Variants in GNB1 observed in about 807,000 individuals in gnomAD.
GNB1 encodes the protein guanine nucleotide-binding protein G(I)/G(S)/G(T) subunit beta-1.
GNB1 carries 2 observed loss-of-function variants against 42.9 expected under a neutral mutation model. The observed-to-expected ratio is 0.05, with a 90% CI of 0.02 to 0.15. The LOEUF (loss-of-function observed/expected upper bound fraction) is 0.15, where lower values mean the gene tolerates loss of function less well. Among genes scored for constraint, GNB1 ranks in the 10% least tolerant of loss-of-function variants. The pLI, the probability that GNB1 is intolerant of heterozygous loss-of-function variation, is 1.00. For synonymous variants in GNB1, 183 were observed against 174.7 expected (o/e 1.05, Z -0.38); for missense variants, 193 against 462.2 (o/e 0.42, Z 5.34).
chr1:1,786,292 C>A lies in GNB1; in HGVS notation c.*771G>T. ...TTAAAAACTCAACTGAGAAGATAGA[C>A]AGGATGGGTCAGGAGGAACATGGTG... On this transcript the variant is annotated 3_prime_UTR_variant, in exon 12 of 12. Coordinates refer to ENST00000378609, the MANE Select transcript of GNB1 (RefSeq NM_002074.5). 1 of 376,844 alleles carries A rather than the reference C, an allele frequency of 2.7e-6. No homozygotes were observed. 23.3% of individuals were successfully genotyped at this position (376,844 alleles called of 1,614,324 possible).
Position 1,842,179 on chromosome 1 carries a change from C to G in GNB1, c.-95-2941G>C, listed in dbSNP as rs185691723. Among the ~76,000 whole-genome samples the G allele has an allele frequency of 8.0e-3, 1,214 of 152,272 alleles. 13 individuals are homozygous for G. Among genetic ancestry groups the G allele is most frequent in the Non-Finnish European group, 7.8e-3 (528 of 68,030 alleles). On this transcript the variant is annotated intron_variant, in intron 1 of 11. Transcript: ENST00000378609. ...GGCACGGTGGCTCACGCCTGTAATC[C>G]CAGCACTCTGGGAGGCCAAGGCGGG...
chr1:1,878,458 G>A (rs145170028), intron 1 of GNB1, among the ~76,000 whole-genome samples: 1 of 152,250 alleles, frequency 6.6e-6, no homozygotes, highest in Non-Finnish European at 1.5e-5. Context: ...TCTCCTGCCT[G>A]GAACCCTCTT....
At chr1:1,797,352 C>T (rs1050663357) in intron 7 of GNB1, among the ~76,000 whole-genome samples, 1 of 152,128 alleles carries the variant, frequency 6.6e-6, no homozygotes, top group Non-Finnish European at 1.5e-5. Flanking sequence ...TATAATACTA[C>T]TGCATAACTA....
In GNB1 at chr1:1,790,504, C is replaced by G; in HGVS notation, c.590G>C (p.Arg197Thr). The change falls in exon 9 of 12, where the codon AGA becomes ACA. Residue 197 changes from arginine (R) to threonine (T), a missense_variant. By Grantham distance (71) the Arg-to-Thr change is moderately conservative (BLOSUM62 -1). Transcript: ENST00000378609. The surrounding 1 kb of genome is among the most constrained non-coding windows in gnomAD (Gnocchi z 5.4). ...VMSLSLAPDT[R>T]LFVSGACDAS... is the part of the protein sequence containing the mutation. The stretch of plus-strand genomic sequence containing the variant: ...ATCACAAGCACCAGAGACGAACAGT[C>G]TGGTGTCAGGAGCAAGAGAAAGGCT... The G allele has an allele frequency of 6.2e-7, 1 of 1,613,542 alleles. No individual in the cohort carries two copies. Among genetic ancestry groups the G allele is most frequent in the African/African-American group, 1.3e-5 (1 of 75,026 alleles).
intron 3 of GNB1, among the ~76,000 whole-genome samples, chr1:1,820,758 C>T (rs1010278240): frequency 1.3e-5 from 2 of 152,260 alleles, no homozygotes; most frequent in Non-Finnish European, 2.9e-5. Context: ...TACAGTGTAA[C>T]AGACTGTGGT....
chr1:1,859,431 T>C (rs1379820750), intron 1 of GNB1, among the ~76,000 whole-genome samples: 1 of 152,106 alleles, frequency 6.6e-6, no homozygotes, highest in Non-Finnish European at 1.5e-5. Flanking sequence ...TGTGAGCCTG[T>C]AATCCCAGCA....
chr1:1,807,200 G>A (rs1047977124), intron 5 of GNB1, among the ~76,000 whole-genome samples: 1 of 152,014 alleles, frequency 6.6e-6, no homozygotes, highest in African/African-American at 2.4e-5. Flanking sequence ...AGAGGCTCAT[G>A]TCTTTAATCC....
At chr1:1,886,243 G>A (rs1294786830) in intron 1 of GNB1, among the ~76,000 whole-genome samples, 12 of 152,240 alleles carry the variant, frequency 7.9e-5, no homozygotes, top group African/African-American at 1.2e-4. Context: ...ACTTGAACCC[G>A]TGAGATGGTG....
intron 7 of GNB1, among the ~76,000 whole-genome samples, chr1:1,800,753 TAAAAAAA>T (rs943269814): frequency 1.7e-5 from 2 of 115,324 alleles, no homozygotes; most frequent in Non-Finnish European, 3.7e-5. Context: ...TTTAGATTGT[TAAAAAAA>T]AAAAAAAAAA....
intron 6 of GNB1, among the ~76,000 whole-genome samples, chr1:1,805,926 CTG>C (rs1646690703): frequency 1.3e-5 from 2 of 152,160 alleles, no homozygotes; most frequent in South Asian, 4.1e-4. Flanking sequence ...TTTAGATCTG[CTG>C]TAATTAATGC....
chr1:1,866,207 TGA>T (rs1255144738), intron 1 of GNB1, among the ~76,000 whole-genome samples: 3 of 152,264 alleles, frequency 2.0e-5, no homozygotes, highest in Non-Finnish European at 2.9e-5. Flanking sequence ...CTCAAAGTGC[TGA>T]GATTACAGGC....
At chr1:1,842,754 C>T (rs1049292700) in intron 1 of GNB1, among the ~76,000 whole-genome samples, 10 of 152,122 alleles carry the variant, frequency 6.6e-5, no homozygotes, top group Admixed American at 5.2e-4. Context: ...TAAACGGCAC[C>T]GAATCATTCA....
At chr1:1,879,941 GTTTT>G (rs1279495142) in intron 1 of GNB1, among the ~76,000 whole-genome samples, 1 of 151,730 alleles carries the variant, frequency 6.6e-6, no homozygotes, top group African/African-American at 2.4e-5. Context: ...TGTTGTTGTT[GTTTT>G]TTAAGACATA....
At position 1,785,678 on chromosome 1, in the gene GNB1, A is replaced by C; in HGVS notation, c.*1385T>G. On this transcript the variant is annotated 3_prime_UTR_variant, in exon 12 of 12. Coordinates refer to ENST00000378609, the MANE Select transcript of GNB1 (RefSeq NM_002074.5). ...CCAGGACAATCTGTGTGTGATGGGA[A>C]TGAGCCACCTCAGATGTGGAGGGCC... 1 of 272,364 alleles carries C rather than the reference A, an allele frequency of 3.7e-6. No individual in the cohort carries two copies. Among genetic ancestry groups the C allele is most frequent in the Non-Finnish European group, 6.8e-6 (1 of 146,744 alleles). 16.9% of individuals were successfully genotyped at this position (272,364 alleles called of 1,614,324 possible). A position where few individuals can be genotyped will look rare whatever the true frequency, so the allele number is the denominator to read the frequency against.
At chr1:1,835,958 T>G (rs541570954) in intron 2 of GNB1, among the ~76,000 whole-genome samples, 1 of 138,032 alleles carries the variant, frequency 7.2e-6, no homozygotes, top group Non-Finnish European at 1.5e-5. Context: ...GACATGGTAG[T>G]GCGTGCCTAT....
intron 5 of GNB1, among the ~76,000 whole-genome samples, chr1:1,810,664 T>G (rs1366010507): frequency 6.6e-6 from 1 of 151,394 alleles, no homozygotes; most frequent in East Asian, 1.9e-4. Flanking sequence ...TGCATGTAGT[T>G]TTCTTTTTTG....
chr1:1,809,320 G>A (rs1474408191), intron 5 of GNB1, among the ~76,000 whole-genome samples: 1 of 151,138 alleles, frequency 6.6e-6, no homozygotes, highest in Admixed American at 6.6e-5. Flanking sequence ...AATTACAGGT[G>A]TGCACCACCA....
At chr1:1,856,394 G>A (rs187630763) in intron 1 of GNB1, among the ~76,000 whole-genome samples, 1 of 152,220 alleles carries the variant, frequency 6.6e-6, no homozygotes, top group East Asian at 1.9e-4. Context: ...GAAGTGCTGG[G>A]ATAACAGGCA....
chr1:1,795,894 A>C (rs1290775152), intron 7 of GNB1, among the ~76,000 whole-genome samples: 1 of 152,226 alleles, frequency 6.6e-6, no homozygotes, highest in Non-Finnish European at 1.5e-5. Context: ...ACAGCTCTCA[A>C]GCGCTGATAA....
Sources: allele counts gnomAD v4.1 joint callset (sites outside exome capture counted in the v4.1 genomes callset), GRCh38; gene constraint gnomAD v4.1.1; non-coding constraint Gnocchi (gnomAD v3.1); transcripts MANE v1.5; gene names NCBI Gene and HGNC (gene_info 2026-07-23, HGNC 2026-07-21).